Variants in HACD3 observed in about 807,000 individuals in gnomAD.
The protein encoded by HACD3 is 3-hydroxyacyl-CoA dehydratase 3.
HACD3 carries 30 observed loss-of-function variants against 55.2 expected under a neutral mutation model. The ratio of observed to expected loss-of-function variants is 0.54; its 90% CI spans 0.41 to 0.74. HACD3 has a LOEUF of 0.74. Ranked by LOEUF, HACD3 falls within the 30% of genes least tolerant of loss-of-function variation. The pLI is 0.00. For synonymous variants in HACD3, 141 were observed against 151.7 expected, an observed-to-expected ratio of 0.93 and a Z score of 0.52; for missense variants, 363 against 440.1, an observed-to-expected ratio of 0.82 and a Z score of 1.57.
At position 65,576,429 on chromosome 15, in the gene HACD3, TAC is replaced by T. The variant is rs538376724; in HGVS notation, c.*52_*53del. ...GCCAGTTTGAGCCTAATCTGATTCT[TAC>T]AGTTTTACCTTCTTGAACCAATGTA... On this transcript the variant is annotated 3_prime_UTR_variant, in exon 11 of 11. Transcript: ENST00000261875. The T allele has an allele frequency of 5.9e-6, 9 of 1,521,034 alleles. No homozygotes were observed. Among genetic ancestry groups the T allele is most frequent in the East Asian group, 4.7e-5 (2 of 42,974 alleles). The allele number at this position is 1,521,034 out of a possible 1,614,324, so 94.2% of individuals were successfully genotyped here.
At chr15:65,550,139 G>A (rs1463733880) in intron 1 of HACD3, among the ~76,000 whole-genome samples, 2 of 152,184 alleles carry the variant, frequency 1.3e-5, no homozygotes, top group African/African-American at 4.8e-5. Flanking sequence ...TGTAATCCCA[G>A]CACTTTGGGA....
rs764328609 is a variant in HACD3 at position 65,576,345 on chromosome 15, G to A, written c.1055G>A (p.Arg352Gln). Residue 352 changes from arginine (R) to glutamine (Q), a missense_variant, in exon 11 of 11, where the codon CGG becomes CAG. Transcript: ENST00000261875. ...CGTCACCTTTATAAACAGCGCAGAC[G>A]GCGCTATGGACAAAAAAAGAAAAAG... ...NFRHLYKQRR[R>Q]RYGQKKKKIH 7.5e-6 allele frequency: 12 copies of A among 1,602,952 alleles called. No individual in the cohort carries two copies. The highest frequency in any genetic ancestry group is 1.7e-4 in the Middle Eastern group (1 of 5,894).
intron 10 of HACD3, among the ~76,000 whole-genome samples, chr15:65,575,327 A>ACAGGCACCTGC (rs2072390453): frequency 6.6e-6 from 1 of 151,640 alleles, no homozygotes; most frequent in African/African-American, 2.4e-5. Flanking sequence ...AGCTGGGATT[A>ACAGGCACCTGC]CAGGCACCTG....
At chr15:65,552,981 T>C (rs1222687920) in intron 2 of HACD3, 2 of 151,968 alleles carry the variant, frequency 1.3e-5, no homozygotes, top group Non-Finnish European at 2.9e-5. Context: ...CTGAGAATGA[T>C]GATTTCCAAT....
At chr15:65,534,289 C>A (rs1212620566) in intron 1 of HACD3, 2 of 152,196 alleles carry the variant, frequency 1.3e-5, no homozygotes, top group African/African-American at 4.8e-5. Flanking sequence ...CTGTCTCCCT[C>A]CATCCTGACA....
At position 65,576,244 on chromosome 15, in the gene HACD3, G is replaced by A. The variant is rs527732426; in HGVS notation, c.1013-59G>A. ...GCTAGATACTGTCCCTGCCACAAGA[G>A]CTTCTGGTTATAAATAGACAAAGAC... On this transcript the variant is annotated intron_variant, in intron 10 of 10. Coordinates refer to ENST00000261875, the MANE Select transcript of HACD3 (RefSeq NM_016395.4). 176 of 1,539,474 alleles carry A rather than the reference G, an allele frequency of 1.1e-4. No homozygotes were observed. In the East Asian group the frequency reaches 3.8e-3, roughly 33 times the overall value.
At position 65,556,881 on chromosome 15, in the gene HACD3, C is replaced by T. The variant is rs755867233; in HGVS notation, c.347C>T (p.Ala116Val). 31 of 1,612,314 alleles carry T rather than the reference C, an allele frequency of 1.9e-5. No homozygotes were observed. The highest frequency in any genetic ancestry group is 4.5e-5 in the East Asian group (2 of 44,866). ...DFDRWLDESD[A>V]EMELRAKEEE... ...GATCGTTGGCTGGATGAATCTGATG[C>T]GGAAATGGAGCTCAGAGCTAAGGTT... The change falls in exon 4 of 11, where the codon GCG (alanine) becomes GTG (valine). Residue 116 changes from alanine to valine, a missense_variant. Ala to Val is a moderately conservative substitution (Grantham distance 64). Transcript: ENST00000261875.
chr15:65,557,197 C>A (rs955617579), intron 4 of HACD3, among the ~76,000 whole-genome samples: 1 of 152,120 alleles, frequency 6.6e-6, no homozygotes, highest in Non-Finnish European at 1.5e-5. Flanking sequence ...TACATACGGC[C>A]GGGCACGGTG....
In HACD3 at chr15:65,546,467, A is replaced by G. The variant is rs73484685; in HGVS notation, c.88-5209A>G. Among the ~76,000 whole-genome samples the G allele has an allele frequency of 8.9e-3, 1,360 of 152,324 alleles. 23 individuals carry two copies. The highest frequency in any genetic ancestry group is 0.032 in the African/African-American group (1,310 of 41,564). On this transcript the variant is annotated intron_variant, in intron 1 of 10. Coordinates refer to ENST00000261875, the MANE Select transcript of HACD3 (RefSeq NM_016395.4). The stretch of plus-strand genomic sequence containing the variant: ...TAATTCAGCAAAAAACTATGCATAT[A>G]AAAGGCAAATATTGGGAGCTTTCAT...
At chr15:65,549,584 A>G (rs2072112299) in intron 1 of HACD3, among the ~76,000 whole-genome samples, 1 of 145,126 alleles carries the variant, frequency 6.9e-6, no homozygotes, top group Non-Finnish European at 1.5e-5. Context: ...TGGGTGACAA[A>G]GCGAGATTCC....
chr15:65,567,867 G>T (rs181005637), intron 7 of HACD3, among the ~76,000 whole-genome samples: 1 of 151,996 alleles, frequency 6.6e-6, no homozygotes. Context: ...ACAGAAAGTA[G>T]GATGGTGTTT....
At chr15:65,549,279 G>A (rs775761510) in intron 1 of HACD3, among the ~76,000 whole-genome samples, 1 of 152,030 alleles carries the variant, frequency 6.6e-6, no homozygotes, top group South Asian at 2.1e-4. Context: ...CCAACAGGGC[G>A]CAGGCAATAG....
intron 6 of HACD3, among the ~76,000 whole-genome samples, chr15:65,563,922 A>G (rs994417663): frequency 6.6e-6 from 1 of 151,948 alleles, no homozygotes; most frequent in Non-Finnish European, 1.5e-5. Flanking sequence ...GTGAGCCAAG[A>G]TCGTGCCACT....
chr15:65,561,559 A>G (rs901998152), intron 5 of HACD3, among the ~76,000 whole-genome samples: 1 of 151,924 alleles, frequency 6.6e-6, no homozygotes, highest in Non-Finnish European at 1.5e-5. Context: ...TTTTTTTGCC[A>G]GGTGTTATGG....
Position 65,571,532 on chromosome 15 carries a change from C to A in HACD3, c.774-16C>A. ...CTGAAGTGGCTTTTCACATTGGAAT[C>A]ATTTATTTTCAATAGGTACTCTTTC... On this transcript the variant is annotated splice_polypyrimidine_tract_variant and intron_variant, in intron 8 of 10. Coordinates refer to ENST00000261875, the MANE Select transcript of HACD3 (RefSeq NM_016395.4). The A allele has an allele frequency of 1.3e-6, 2 of 1,591,246 alleles. No individual in the cohort carries two copies. Among genetic ancestry groups the A allele is most frequent in the South Asian group, 1.1e-5 (1 of 90,186 alleles).
chr15:65,541,541 T>A (rs1378360746), intron 1 of HACD3, among the ~76,000 whole-genome samples: 1 of 152,178 alleles, frequency 6.6e-6, no homozygotes, highest in Non-Finnish European at 1.5e-5. Flanking sequence ...TGGGCTTTGA[T>A]TATGTGATGG....
At chr15:65,566,425 G>C (rs2072292920) in intron 7 of HACD3, 1 of 154,648 alleles carries the variant, frequency 6.5e-6, no homozygotes, top group Non-Finnish European at 1.4e-5. Flanking sequence ...CCATGTGGCG[G>C]GGGAAGGTCT....
At chr15:65,563,313 A>G (rs117116681) in intron 6 of HACD3, among the ~76,000 whole-genome samples, 2,906 of 152,310 alleles carry the variant, frequency 0.019, 36 homozygotes, top group Middle Eastern at 0.031. Flanking sequence ...AGAGCATCAT[A>G]AAGATATTAG....
intron 7 of HACD3, among the ~76,000 whole-genome samples, chr15:65,568,079 C>T (rs965321343): frequency 6.6e-6 from 1 of 151,836 alleles, no homozygotes; most frequent in Non-Finnish European, 1.5e-5. Flanking sequence ...CCCATCACCA[C>T]GCCCAGCTAA....
Sources: gnomAD v4.1 joint callset for allele counts (sites outside exome capture counted in the v4.1 genomes callset) on GRCh38, gnomAD v4.1.1 for gene constraint, MANE v1.5 for transcripts, NCBI Gene and HGNC (gene_info 2026-07-23, HGNC 2026-07-21) for gene names.